Variants in MAP7 observed in about 807,000 individuals in gnomAD.
The protein encoded by MAP7 is microtubule associated protein 7.
A neutral mutation model predicts 94.8 loss-of-function variants in MAP7; 52 were observed. The observed-to-expected ratio is 0.55, with a 90% CI of 0.44 to 0.69. MAP7 has a LOEUF of 0.69. MAP7 is among the 30% of genes least tolerant of loss of function. The pLI is 0.00. For missense variants in MAP7, 940 were observed against 964.6 expected, an observed-to-expected ratio of 0.97 and a Z score of 0.34; for synonymous variants, 350 against 357.0, an observed-to-expected ratio of 0.98 and a Z score of 0.22.
intron 1 of MAP7, among the ~76,000 whole-genome samples, chr6:136,497,854 ATGAC>A (rs1818764347): frequency 6.6e-6 from 1 of 151,780 alleles, no homozygotes; most frequent in South Asian, 2.1e-4. Flanking sequence ...AAAGGCATGA[ATGAC>A]TGTTTTTCCC....
chr6:136,472,832 CT>C (rs1809490418), intron 1 of MAP7, among the ~76,000 whole-genome samples: 1 of 149,606 alleles, frequency 6.7e-6, no homozygotes, highest in South Asian at 2.1e-4. Flanking sequence ...ATTAGTCTCC[CT>C]AAAAAAAAAA....
intron 1 of MAP7, among the ~76,000 whole-genome samples, chr6:136,503,371 A>G (rs1417475175): frequency 6.7e-6 from 1 of 150,010 alleles, no homozygotes; most frequent in Non-Finnish European, 1.5e-5. Context: ...CCAAAAGAAG[A>G]ATCTGTCCAA....
At chr6:136,480,753 A>C (rs10457651) in intron 1 of MAP7, among the ~76,000 whole-genome samples, 79 of 152,132 alleles carry the variant, frequency 5.2e-4, no homozygotes, top group Non-Finnish European at 9.0e-4. Context: ...ACAGGCAACC[A>C]AAGCAAAAAT....
intron 7 of MAP7, among the ~76,000 whole-genome samples, chr6:136,376,841 C>T (rs1776301434): frequency 6.6e-6 from 1 of 152,132 alleles, no homozygotes; most frequent in Admixed American, 6.5e-5. Context: ...ATGAAAGACA[C>T]CATAAAACCA....
intron 1 of MAP7, among the ~76,000 whole-genome samples, chr6:136,463,807 A>G (rs1806033815): frequency 6.6e-6 from 1 of 152,156 alleles, no homozygotes; most frequent in Non-Finnish European, 1.5e-5. Flanking sequence ...CTGAGTTTTG[A>G]AATCTAGTTT....
At chr6:136,529,491 T>G (rs1164846728) in intron 1 of MAP7, among the ~76,000 whole-genome samples, 1 of 152,204 alleles carries the variant, frequency 6.6e-6, no homozygotes, top group Non-Finnish European at 1.5e-5. Context: ...GCATGTCACA[T>G]GCAGATACAG....
chr6:136,478,393 G>A (rs1468271056), intron 1 of MAP7, among the ~76,000 whole-genome samples: 1 of 151,676 alleles, frequency 6.6e-6, no homozygotes, highest in Non-Finnish European at 1.5e-5. Context: ...GACCAGCCTG[G>A]GCAAGACAGC....
At chr6:136,465,295 C>T (rs924302377) in intron 1 of MAP7, among the ~76,000 whole-genome samples, 1 of 152,142 alleles carries the variant, frequency 6.6e-6, no homozygotes, top group Non-Finnish European at 1.5e-5. Flanking sequence ...TTAAAAAATT[C>T]TCCCTTCAAT....
chr6:136,417,403 A>G (rs891359595), intron 2 of MAP7, among the ~76,000 whole-genome samples: 1 of 152,200 alleles, frequency 6.6e-6, no homozygotes, highest in African/African-American at 2.4e-5. Context: ...CACATCTGAG[A>G]GTACGGTCAT....
chr6:136,519,261 C>A (rs1825723913), intron 1 of MAP7, among the ~76,000 whole-genome samples: 2 of 152,128 alleles, frequency 1.3e-5, no homozygotes, highest in Admixed American at 1.3e-4. Flanking sequence ...AATTTGACCT[C>A]AAGATTTCCT....
intron 1 of MAP7, among the ~76,000 whole-genome samples, chr6:136,522,264 A>C (rs1018407247): frequency 2.6e-5 from 4 of 152,120 alleles, no homozygotes; most frequent in Admixed American, 2.6e-4. Flanking sequence ...GCTCCCAGTG[A>C]TTATTTAATT....
intron 1 of MAP7, among the ~76,000 whole-genome samples, chr6:136,443,101 G>A (rs1582925944): frequency 6.6e-6 from 1 of 152,086 alleles, no homozygotes; most frequent in Non-Finnish European, 1.5e-5. Context: ...TATTAACCCA[G>A]TAAATAGTAA....
intron 3 of MAP7, among the ~76,000 whole-genome samples, chr6:136,402,115 G>A (rs1784274251): frequency 6.6e-6 from 1 of 152,120 alleles, no homozygotes; most frequent in African/African-American, 2.4e-5. Context: ...TGTCTTTCAA[G>A]TCCTAGCTCA....
chr6:136,377,967 C>A, intron 6 of MAP7, 99 bp from the exon 7 acceptor site: 1 of 781,444 alleles, frequency 1.3e-6, no homozygotes, highest in Admixed American at 2.1e-5. Flanking sequence ...TGGGCCTTCA[C>A]AGGACCAGGC....
intron 1 of MAP7, among the ~76,000 whole-genome samples, chr6:136,521,809 C>A (rs986938082): frequency 3.9e-5 from 6 of 152,198 alleles, no homozygotes; most frequent in African/African-American, 9.6e-5. Flanking sequence ...GAGTCTATAT[C>A]CCTTAAACGC....
intron 1 of MAP7, among the ~76,000 whole-genome samples, chr6:136,456,822 G>GAAGGAAGAAGAA (rs1554259490): frequency 7.2e-5 from 5 of 69,034 alleles, no homozygotes; most frequent in African/African-American, 2.5e-4. Flanking sequence ...AGAAGAAGAA[G>GAAGGAAGAAGAA]GAAGAAGAAG....
In MAP7 at chr6:136,525,700, C is replaced by A. The variant is rs117123187; in HGVS notation, c.67+24642G>T. The A allele has an allele frequency of 6.3e-3, 5,826 of 923,268 alleles. 29 individuals carry two copies. The highest frequency in any genetic ancestry group is 7.2e-3 in the Non-Finnish European group (4,625 of 644,216). The allele number at this position is 923,268 out of a possible 1,614,324, so 57.2% of individuals were successfully genotyped here. A position where few individuals can be genotyped will look rare whatever the true frequency, so the allele number is the denominator to read the frequency against. ...CTACAGAGGGTATAAACACTACCAG[C>A]AAACCGTGCTAGGAGGTCACAAGCA... On this transcript the variant is annotated intron_variant, in intron 1 of 17. Coordinates refer to ENST00000354570, the MANE Select transcript of MAP7 (RefSeq NM_003980.6).
intron 1 of MAP7, among the ~76,000 whole-genome samples, chr6:136,484,122 G>A (rs1813836060): frequency 6.6e-6 from 1 of 152,244 alleles, no homozygotes; most frequent in Admixed American, 6.5e-5. Context: ...CTCACGCGAA[G>A]CCCTGAAATA....
intron 1 of MAP7, among the ~76,000 whole-genome samples, chr6:136,498,315 G>T (rs146778552): frequency 3.7e-3 from 563 of 152,174 alleles, no homozygotes; most frequent in Non-Finnish European, 5.7e-3. Context: ...GATAGGATAG[G>T]AGTAGAGGGA....
Sources: gnomAD v4.1 joint callset for allele counts (sites outside exome capture counted in the v4.1 genomes callset) on GRCh38, gnomAD v4.1.1 for gene constraint, MANE v1.5 for transcripts, NCBI Gene and HGNC (gene_info 2026-07-23, HGNC 2026-07-21) for gene names.